SCAP: variants seen among roughly 807,000 people sequenced by gnomAD.
SCAP encodes the protein SREBF chaperone, also known as sterol regulatory element-binding protein cleavage-activating protein.
A neutral mutation model predicts 123.6 loss-of-function variants in SCAP; 65 were observed. The ratio of observed to expected loss-of-function variants is 0.53; its 90% confidence interval spans 0.43 to 0.65. The LOEUF (loss-of-function observed/expected upper bound fraction) is 0.65. Ranked by LOEUF, SCAP falls within the 30% of genes least tolerant of loss-of-function variation. The probability of loss-of-function intolerance (pLI) is 0.00; values close to 1 mark genes in which losing one functional copy is unlikely to be tolerated. For synonymous variants in SCAP, 740 were observed against 726.3 expected, an observed-to-expected ratio of 1.02 and a Z score of -0.30; for missense variants, 1,398 against 1,712.5, an observed-to-expected ratio of 0.82 and a Z score of 3.24.
chr3:47,430,008 A>T (rs1016672357), intron 3 of SCAP, among the ~76,000 whole-genome samples: 1 of 152,194 alleles, frequency 6.6e-6, no homozygotes, highest in East Asian at 1.9e-4. Context: ...CACTTTTGAC[A>T]TCTCTGGATT....
At chr3:47,423,065 T>A (rs1705975944) in intron 9 of SCAP, among the ~76,000 whole-genome samples, 1 of 152,202 alleles carries the variant, frequency 6.6e-6, no homozygotes, top group Non-Finnish European at 1.5e-5. Context: ...AAGGACAATT[T>A]CGCCCCATCT....
chr3:47,414,523 A>C (rs1468679162), intron 21 of SCAP, 49 bp downstream of exon 21: 2 of 1,608,860 alleles, frequency 1.2e-6, no homozygotes, highest in Non-Finnish European at 1.7e-6. Flanking sequence ...GAGTCAGCAA[A>C]CATGGGCCAC....
intron 3 of SCAP, among the ~76,000 whole-genome samples, chr3:47,430,165 C>T (rs555665871): frequency 6.6e-6 from 1 of 152,210 alleles, no homozygotes; most frequent in South Asian, 2.1e-4. Flanking sequence ...TTCATCTGAC[C>T]CTCACAACAG....
rs1180341675 is a variant in SCAP at position 47,428,586 on chromosome 3, C to T, written c.337G>A (p.Asp113Asn). Residue 113 changes from aspartate (D) to asparagine (N), a missense_variant, in exon 4 of 23, where the codon GAT becomes AAT. Physicochemically the swap from Asp to Asn is conservative, Grantham distance 23. Coordinates refer to ENST00000265565, the MANE Select transcript of SCAP (RefSeq NM_012235.4). ...FPWHKNLLAV[D>N]VFRSPLSRAF... ...CGGGACAAAGGTGAACGAAATACAT[C>T]TACTGCCAGGAGGTTCTTGTGCCAG... The T allele has an allele frequency of 1.2e-6, 2 of 1,614,062 alleles. No homozygotes were observed. Among genetic ancestry groups the T allele is most frequent in the Non-Finnish European group, 1.7e-6 (2 of 1,180,024 alleles).
intron 1 of SCAP, 38 bp from the exon 2 acceptor site, chr3:47,443,129 C>T (rs1420262558): frequency 6.8e-6 from 10 of 1,463,946 alleles, no homozygotes; most frequent in African/African-American, 4.2e-5. Flanking sequence ...ACAAAGAGTA[C>T]TTGGCTCTGC....
rs975769798 is a variant in SCAP, at chr3:47,414,346, C to G, written c.3428G>C (p.Cys1143Ser). 1 of 1,612,950 alleles carries G rather than the reference C, an allele frequency of 6.2e-7. No homozygotes were observed. Among genetic ancestry groups the G allele is most frequent in the Non-Finnish European group, 8.5e-7 (1 of 1,180,034 alleles). Residue 1143 changes from cysteine to serine, a missense_variant, in exon 22 of 23, where the codon TGC (cysteine) becomes TCC (serine). By Grantham distance (112) the Cys-to-Ser change is moderately radical. Coordinates refer to ENST00000265565, the MANE Select transcript of SCAP (RefSeq NM_012235.4). ...LASGGQDGAI[C>S]LWDVLTGSRV... ...GCTGCCAGTCAGTACATCCCACAGG[C>G]AGATGGCCCCATCTTGTCCTCCACT...
At chr3:47,459,403 G>A (rs1021725846) in intron 1 of SCAP, among the ~76,000 whole-genome samples, 17 of 152,158 alleles carry the variant, frequency 1.1e-4, no homozygotes, top group Non-Finnish European at 2.1e-4. Flanking sequence ...GTCTCGTTGC[G>A]TTACTACTTC....
intron 2 of SCAP, among the ~76,000 whole-genome samples, chr3:47,435,469 TACACACAC>T (rs57702290): frequency 2.1e-3 from 192 of 91,954 alleles, no homozygotes; most frequent in East Asian, 5.2e-3. Context: ...AATATAAACA[TACACACAC>T]ACACACACAC....
chr3:47,445,177 A>G (rs1706981619), intron 1 of SCAP, among the ~76,000 whole-genome samples: 1 of 149,344 alleles, frequency 6.7e-6, no homozygotes, highest in South Asian at 2.1e-4. Flanking sequence ...TGTTTTGCCT[A>G]TTGTGAATAG....
intron 16 of SCAP, 33 bp from the exon 17 acceptor site, chr3:47,417,859 A>ACGGGGGAGGGGGGTGCGAGGGGG: frequency 1.6e-6 from 1 of 613,772 alleles, no homozygotes; most frequent in Non-Finnish European, 2.1e-6. Context: ...GAGAGGGGGC[A>ACGGGGGAGGGGGGTGCGAGGGGG]CGGGGGAGGG....
chr3:47,418,295 T>C, intron 15 of SCAP, 26 bp downstream of exon 15: 1 of 1,553,112 alleles, frequency 6.4e-7, no homozygotes, highest in Middle Eastern at 1.7e-4. Flanking sequence ...GGCCCTCCCC[T>C]ACCCGGCCAC....
chr3:47,458,651 CATA>C (rs1167759929), intron 1 of SCAP, among the ~76,000 whole-genome samples: 1 of 152,142 alleles, frequency 6.6e-6, no homozygotes, highest in Non-Finnish European at 1.5e-5. Flanking sequence ...TAACCACGTG[CATA>C]ATGTCAACCC....
rs757845262 is a variant in SCAP, at chr3:47,432,193, T to C, written c.252+2815A>G. On this transcript the variant is annotated intron_variant, in intron 3 of 22. Coordinates refer to ENST00000265565, the MANE Select transcript of SCAP (RefSeq NM_012235.4). Reference sequence around the variant, plus strand: ...TTAGCCAGGCGTGGTGGTGCGTGCCTGTAGTCCCAGCTACTCGGGAGGCTG... The same window carrying C: ...TTAGCCAGGCGTGGTGGTGCGTGCCCGTAGTCCCAGCTACTCGGGAGGCTG... Among the ~76,000 whole-genome samples the C allele has an allele frequency of 5.6e-4, 85 of 151,752 alleles. 1 individual carries two copies. The highest frequency in any genetic ancestry group is 1.2e-3 in the Non-Finnish European group (82 of 67,934).
At chr3:47,469,898 T>G in intron 1 of SCAP, 1 of 513,656 alleles carries the variant, frequency 1.9e-6, no homozygotes, top group South Asian at 1.6e-5. Flanking sequence ...AGCCACAGAT[T>G]CACTGAATCC....
At chr3:47,463,818 T>C (rs1707732143) in intron 1 of SCAP, among the ~76,000 whole-genome samples, 2 of 152,128 alleles carry the variant, frequency 1.3e-5, no homozygotes, top group African/African-American at 4.8e-5. Flanking sequence ...AATAAGCATC[T>C]GTTGACTTCT....
At chr3:47,415,054 C>T (rs772028780) in intron 19 of SCAP, 44 bp downstream of exon 19, 33 of 1,581,558 alleles carry the variant, frequency 2.1e-5, no homozygotes, top group Admixed American at 1.8e-4. Context: ...GGCCCCTGCC[C>T]GTCCCACCAA....
rs1705656439 is a variant in SCAP, at chr3:47,417,683, G to A, written c.2591C>T (p.Pro864Leu). The change falls in exon 17 of 23, where the codon CCT (proline) becomes CTT (leucine). Residue 864 changes from proline (P) to leucine (L), a missense_variant. Pro to Leu is a moderately conservative substitution (Grantham distance 98). Transcript: ENST00000265565. ...LRHRPRGPPP[P>L]SLFGDQPDLT... is the part of the protein sequence containing the mutation. ...GTCAGGCTGGTCCCCGAAGAGGGAAGGCGGCGGAGGGCCCCGGGGGCGGTG... is the reference window on the plus strand; with the variant it reads ...GTCAGGCTGGTCCCCGAAGAGGGAAAGCGGCGGAGGGCCCCGGGGGCGGTG... 1.2e-6 allele frequency: 2 copies of A among 1,608,560 alleles called. No individual in the cohort carries two copies. The highest frequency in any genetic ancestry group is 1.4e-5 in the African/African-American group (1 of 73,956).
At chr3:47,469,717 C>G (rs534904141) in intron 1 of SCAP, 1 of 374,504 alleles carries the variant, frequency 2.7e-6, no homozygotes, top group Non-Finnish European at 5.1e-6. Flanking sequence ...GTAAGACATG[C>G]CTTTGCTCCT....
intron 10 of SCAP, among the ~76,000 whole-genome samples, chr3:47,421,785 GA>G (rs1490288508): frequency 1.3e-5 from 2 of 148,978 alleles, no homozygotes; most frequent in Non-Finnish European, 2.9e-5. Flanking sequence ...AGCCCTGGGG[GA>G]AAGACGGGCG....
Sources: gnomAD v4.1 joint callset for allele counts (sites outside exome capture counted in the v4.1 genomes callset) on GRCh38, gnomAD v4.1.1 for gene constraint, MANE v1.5 for transcripts, NCBI Gene and HGNC (gene_info 2026-07-23, HGNC 2026-07-21) for gene names.